SATB2: variants seen among roughly 807,000 people sequenced by gnomAD.
The protein encoded by SATB2 is DNA-binding protein SATB2.
SATB2 carries 1 observed loss-of-function variant against 73.4 expected under a neutral mutation model. That is an observed-to-expected ratio of 0.01 (90% confidence interval 0.00 to 0.06). SATB2 has a LOEUF of 0.06. Among genes scored for constraint, SATB2 ranks in the 10% least tolerant of loss-of-function variants. The pLI, the probability that SATB2 is intolerant of heterozygous loss-of-function variation, is 1.00. For synonymous variants in SATB2, 397 were observed against 367.0 expected (o/e 1.08, Z -0.93); for missense variants, 459 against 945.8 (o/e 0.49, Z 6.75).
Position 199,271,958 on chromosome 2 carries a change from T to G in SATB2, c.*253A>C, listed in dbSNP as rs1403259761. The G allele has an allele frequency of 5.6e-6, 3 of 536,500 alleles. No homozygotes were observed. The highest frequency in any genetic ancestry group is 1.0e-5 in the Non-Finnish European group (3 of 299,170). The allele number at this position is 536,500 out of a possible 1,614,324, so 33.2% of individuals were successfully genotyped here. The stretch of plus-strand genomic sequence containing the variant: ...ATCCAGTCATAGAGACGGGATAAAG[T>G]GTAACGCTTTAGTGTCTTTGCCAAG... On this transcript the variant is annotated 3_prime_UTR_variant, in exon 11 of 11. Coordinates refer to ENST00000417098, the MANE Select transcript of SATB2 (RefSeq NM_001172509.2).
At chr2:199,458,240 G>C (rs1054305035), upstream of SATB2, 1 of 229,632 alleles carries the variant, frequency 4.4e-6, no homozygotes, top group Non-Finnish European at 8.7e-6. Flanking sequence ...GGGGGGAGGG[G>C]GGCCCCGCCT....
intron 9 of SATB2, among the ~76,000 whole-genome samples, chr2:199,321,215 G>C (rs1687874835): frequency 6.6e-6 from 1 of 151,988 alleles, no homozygotes; most frequent in African/African-American, 2.4e-5. Flanking sequence ...ATGACTAAGA[G>C]AGATATATAA....
chr2:199,335,986 C>A (rs1483334072), intron 7 of SATB2, among the ~76,000 whole-genome samples: 3 of 152,114 alleles, frequency 2.0e-5, no homozygotes, highest in Non-Finnish European at 4.4e-5. Context: ...TCTGTGTTCC[C>A]TTAACTGCAA....
At chr2:199,323,219 T>A (rs1687936297) in intron 9 of SATB2, among the ~76,000 whole-genome samples, 2 of 152,114 alleles carry the variant, frequency 1.3e-5, no homozygotes, top group African/African-American at 2.4e-5. Flanking sequence ...TTTTACTGGA[T>A]AAGCTTCTGT....
chr2:199,334,823 T>G (rs1171782696), intron 7 of SATB2, among the ~76,000 whole-genome samples: 1 of 152,168 alleles, frequency 6.6e-6, no homozygotes. Flanking sequence ...TAGAAAGTAC[T>G]GGTATCCTAC....
At chr2:199,382,060 T>C (rs1423181511) in intron 3 of SATB2, among the ~76,000 whole-genome samples, 1 of 152,206 alleles carries the variant, frequency 6.6e-6, no homozygotes, top group Non-Finnish European at 1.5e-5. Context: ...TATGTTTTCC[T>C]GTTTCTTAAA....
chr2:199,344,961 G>C (rs964047987), intron 7 of SATB2, among the ~76,000 whole-genome samples: 5 of 152,088 alleles, frequency 3.3e-5, no homozygotes, highest in Non-Finnish European at 7.4e-5. Context: ...TCATGACATG[G>C]TTTTAAGCCT....
chr2:199,397,946 C>A, intron 3 of SATB2: 1 of 218,336 alleles, frequency 4.6e-6, no homozygotes. Flanking sequence ...AAGAATGTTA[C>A]AAGTGAAATG....
chr2:199,290,188 T>C (rs1313100592), intron 10 of SATB2, among the ~76,000 whole-genome samples: 3 of 152,248 alleles, frequency 2.0e-5, no homozygotes, highest in Non-Finnish European at 4.4e-5. Context: ...GTAAGAGCCA[T>C]GAGCAGCACT....
chr2:199,340,986 G>T (rs1320661773), intron 7 of SATB2, among the ~76,000 whole-genome samples: 1 of 152,144 alleles, frequency 6.6e-6, no homozygotes, highest in Non-Finnish European at 1.5e-5. Flanking sequence ...TATTAAGGAA[G>T]ATTCGCTGTA....
At chr2:199,448,093 GAC>G (rs1028199570) in intron 2 of SATB2, among the ~76,000 whole-genome samples, 13 of 152,114 alleles carry the variant, frequency 8.5e-5, no homozygotes, top group Non-Finnish European at 1.8e-4. Context: ...TTTGGATTAT[GAC>G]AAAAGAAAGT....
At chr2:199,278,105 G>A (rs1187233594) in intron 10 of SATB2, among the ~76,000 whole-genome samples, 1 of 152,140 alleles carries the variant, frequency 6.6e-6, no homozygotes, top group East Asian at 1.9e-4. Context: ...AGATTGTGGG[G>A]AGGGGAAGTT....
intron 5 of SATB2, among the ~76,000 whole-genome samples, chr2:199,374,341 G>A (rs1689534853): frequency 1.3e-5 from 2 of 152,172 alleles, no homozygotes; most frequent in African/African-American, 4.8e-5. Flanking sequence ...CTTACATAAG[G>A]TAGGTAGAAT....
chr2:199,384,519 C>A (rs765346707), intron 3 of SATB2, among the ~76,000 whole-genome samples: 19 of 152,282 alleles, frequency 1.2e-4, no homozygotes, highest in South Asian at 6.2e-4. Context: ...TGTTAATCCT[C>A]TTTGCAAATA....
intron 3 of SATB2, among the ~76,000 whole-genome samples, chr2:199,393,255 G>A (rs527439198): frequency 6.6e-6 from 1 of 152,300 alleles, no homozygotes; most frequent in African/African-American, 2.4e-5. Context: ...GATAAGGAAA[G>A]AAGAAAAGGA....
intron 9 of SATB2, among the ~76,000 whole-genome samples, chr2:199,311,722 C>T (rs933205656): frequency 1.3e-5 from 2 of 152,166 alleles, no homozygotes; most frequent in East Asian, 1.9e-4. Context: ...GGCTCGCTTG[C>T]TCATTCCATG....
intron 3 of SATB2, among the ~76,000 whole-genome samples, chr2:199,430,415 C>T (rs376081819): frequency 5.9e-5 from 9 of 152,298 alleles, no homozygotes; most frequent in East Asian, 1.9e-4. Context: ...TGCCAGCTTT[C>T]GGCTTTCTAC....
chr2:199,325,957 T>TAATTTCA (rs1436252154), intron 8 of SATB2: 3 of 152,208 alleles, frequency 2.0e-5, no homozygotes, highest in Non-Finnish European at 4.4e-5. Flanking sequence ...ACTGGAGGTA[T>TAATTTCA]AATTTCAAAT....
At chr2:199,395,492 C>T (rs932185901) in intron 3 of SATB2, among the ~76,000 whole-genome samples, 1 of 152,078 alleles carries the variant, frequency 6.6e-6, no homozygotes, top group Non-Finnish European at 1.5e-5. Flanking sequence ...CACTTGGACA[C>T]ATCTCAAAAC....
Sources: allele counts gnomAD v4.1 joint callset (sites outside exome capture counted in the v4.1 genomes callset), GRCh38; gene constraint gnomAD v4.1.1; transcripts MANE v1.5; gene names NCBI Gene and HGNC (gene_info 2026-07-23, HGNC 2026-07-21).